Variants in GRAMD4 observed in about 807,000 individuals in gnomAD.
The protein encoded by GRAMD4 is GRAM domain-containing protein 4.
Under a neutral mutation model 83.9 loss-of-function variants are expected in GRAMD4, and 25 were observed. The observed-to-expected ratio is 0.30, with a 90% CI of 0.22 to 0.42. The LOEUF (loss-of-function observed/expected upper bound fraction) is 0.42, where lower values mean the gene tolerates loss of function less well. GRAMD4 is among the 10% of genes least tolerant of loss of function. The pLI is 1.00. For missense variants in GRAMD4, 593 were observed against 788.7 expected (o/e 0.75, Z 2.97); for synonymous variants, 336 against 320.9 (o/e 1.05, Z -0.50).
In GRAMD4 at chr22:46,672,953, G is replaced by C. The variant is rs944502927; in HGVS notation, c.1195G>C (p.Asp399His). 1.2e-6 allele frequency: 2 copies of C among 1,609,982 alleles called. No individual in the cohort carries two copies. The highest frequency in any genetic ancestry group is 1.7e-5 in the Admixed American group (1 of 59,950). Reference sequence around the variant, plus strand: ...TATCATCTGGAGGAGTCTCCCCACCGACCCGCAGCTCAAGGAGCGCTCCAG... The same window carrying C: ...TATCATCTGGAGGAGTCTCCCCACCCACCCGCAGCTCAAGGAGCGCTCCAG... ...PYIIWRSLPT[D>H]PQLKERSSAA... Residue 399 changes from aspartate (D) to histidine (H), a missense_variant, in exon 14 of 19, where the codon GAC becomes CAC. By Grantham distance (81) the Asp-to-His change is moderately conservative (BLOSUM62 -1). Transcript: ENST00000406902. This position sits in a 1 kb window ranked among gnomAD's most constrained non-coding sequence, Gnocchi z 4.7.
chr22:46,675,929 G>A (rs918138831), intron 17 of GRAMD4, among the ~76,000 whole-genome samples: 6 of 152,158 alleles, frequency 3.9e-5, no homozygotes, highest in Admixed American at 2.0e-4. Context: ...AGATGGTCGC[G>A]CCCGCTCTGG....
At chr22:46,581,060 T>C (rs1226857582) in intron 1 of GRAMD4, among the ~76,000 whole-genome samples, 1 of 152,074 alleles carries the variant, frequency 6.6e-6, no homozygotes, top group African/African-American at 2.4e-5. Flanking sequence ...TATCTCGGCA[T>C]GTGGCAGAGG....
In GRAMD4 at chr22:46,673,012, C is replaced by G. The variant is rs971873671; in HGVS notation, c.1239+15C>G. 6.4e-7 allele frequency: 1 copy of G among 1,563,324 alleles called. No individual in the cohort carries two copies. The highest frequency in any genetic ancestry group is 2.3e-5 in the East Asian group (1 of 42,992). Reference sequence around the variant, plus strand: ...TCTCACGCAGGGTGAGCCCGGCCCCCAGCTGCGGGGATGGGGGGATGGGGG... The same window carrying G: ...TCTCACGCAGGGTGAGCCCGGCCCCGAGCTGCGGGGATGGGGGGATGGGGG... On this transcript the variant is annotated intron_variant, in intron 14 of 18. Coordinates refer to ENST00000406902, the MANE Select transcript of GRAMD4 (RefSeq NM_015124.5).
chr22:46,619,762 A>G (rs537988879), upstream of GRAMD4, among the ~76,000 whole-genome samples: 6 of 152,080 alleles, frequency 3.9e-5, no homozygotes, highest in Admixed American at 3.9e-4. Context: ...CCTTTCTGAC[A>G]GTGAGGTTTA....
rs886366942 is a variant in GRAMD4 at position 46,659,849 on chromosome 22, A to G, written c.405-1532A>G. Among the ~76,000 whole-genome samples, 1 of 152,202 alleles carries G rather than the reference A, an allele frequency of 6.6e-6. No individual in the cohort carries two copies. Among genetic ancestry groups the G allele is most frequent in the African/African-American group, 2.4e-5 (1 of 41,454 alleles). On this transcript the variant is annotated intron_variant, in intron 4 of 18. Coordinates refer to ENST00000406902, the MANE Select transcript of GRAMD4 (RefSeq NM_015124.5). This position sits in a 1 kb window ranked among gnomAD's most constrained non-coding sequence, Gnocchi z 4.1. ...TCGGCAGGCGCTTTACCTGATGCTG[A>G]ACCTTCTGGGAAAATCCACAGAAGC...
In GRAMD4 at chr22:46,659,831, G is replaced by A. The variant is rs921404955; in HGVS notation, c.404+1524G>A. ...GAAATGGGTGCATGGGCCTCGGCAG[G>A]CGCTTTACCTGATGCTGAACCTTCT... On this transcript the variant is annotated intron_variant, in intron 4 of 18. Transcript: ENST00000406902. The surrounding 1 kb of genome is among the most constrained non-coding windows in gnomAD (Gnocchi z 4.1). Among the ~76,000 whole-genome samples the A allele has an allele frequency of 4.6e-5, 7 of 152,206 alleles. No homozygotes were observed. The highest frequency in any genetic ancestry group is 8.8e-5 in the Non-Finnish European group (6 of 68,036).
At chr22:46,594,249 C>T (rs573017487) in intron 1 of GRAMD4, among the ~76,000 whole-genome samples, 7 of 151,542 alleles carry the variant, frequency 4.6e-5, no homozygotes, top group African/African-American at 1.4e-4. Context: ...CTTTCTCTGC[C>T]TGGGTCCACA....
chr22:46,593,550 G>C (rs1382317548), intron 1 of GRAMD4, among the ~76,000 whole-genome samples: 3 of 152,168 alleles, frequency 2.0e-5, no homozygotes, highest in Non-Finnish European at 4.4e-5. Context: ...GTGACTTCCC[G>C]TAGCAGGCTG....
intron 17 of GRAMD4, among the ~76,000 whole-genome samples, 189 bp downstream of exon 17, chr22:46,675,741 G>C (rs55836819): frequency 0.11 from 16,267 of 152,228 alleles, 984 homozygotes; most frequent in Middle Eastern, 0.17. Flanking sequence ...CCTGCCCTGG[G>C]GTCCACTTGC....
intron 3 of GRAMD4, among the ~76,000 whole-genome samples, chr22:46,655,249 T>C (rs1310810520): frequency 1.5e-5 from 1 of 66,260 alleles, no homozygotes; most frequent in African/African-American, 5.8e-5. Flanking sequence ...AGGGGTGGTG[T>C]GGAGGGTGCT....
chr22:46,655,926 C>T (rs566714673), intron 3 of GRAMD4, among the ~76,000 whole-genome samples: 55 of 151,910 alleles, frequency 3.6e-4, no homozygotes, highest in African/African-American at 1.2e-3. Context: ...CCTCCGTCCG[C>T]GGAGAAAAGT....
At chr22:46,630,165 C>T (rs763123739) in intron 2 of GRAMD4, among the ~76,000 whole-genome samples, 1 of 152,078 alleles carries the variant, frequency 6.6e-6, no homozygotes, top group Non-Finnish European at 1.5e-5. Flanking sequence ...GCTGGGATTA[C>T]AGGCACACAC....
At chr22:46,585,400 G>A (rs947647452) in intron 1 of GRAMD4, among the ~76,000 whole-genome samples, 3 of 152,128 alleles carry the variant, frequency 2.0e-5, no homozygotes, top group Non-Finnish European at 4.4e-5. Flanking sequence ...ATGTTGGTCA[G>A]GCTGGTCTCA....
rs1042916070 is a variant in GRAMD4 at position 46,621,488 on chromosome 22, C to T, written c.-50+923C>T. Among the ~76,000 whole-genome samples, 1 of 151,644 alleles carries T rather than the reference C, an allele frequency of 6.6e-6. No individual in the cohort carries two copies. Among genetic ancestry groups the T allele is most frequent in the Non-Finnish European group, 1.5e-5 (1 of 67,840 alleles). On this transcript the variant is annotated intron_variant, in intron 1 of 18. Coordinates refer to ENST00000406902, the MANE Select transcript of GRAMD4 (RefSeq NM_015124.5). This position sits in a 1 kb window ranked among gnomAD's most constrained non-coding sequence, Gnocchi z 5.8. ...GCAGGCGCAGGCTGGAGGCGTAGCCCGGGCCCATCCCTGGCGGTGTGTCGC... is the reference window on the plus strand; with the variant it reads ...GCAGGCGCAGGCTGGAGGCGTAGCCTGGGCCCATCCCTGGCGGTGTGTCGC...
intron 1 of GRAMD4, among the ~76,000 whole-genome samples, chr22:46,623,964 C>T (rs2081616149): frequency 6.6e-6 from 1 of 151,628 alleles, no homozygotes; most frequent in African/African-American, 2.4e-5. Flanking sequence ...GTATTTTAAG[C>T]AGAGATGGAG....
At chr22:46,591,859 A>G (rs1230763367) in intron 1 of GRAMD4, among the ~76,000 whole-genome samples, 1 of 145,932 alleles carries the variant, frequency 6.9e-6, no homozygotes, top group East Asian at 2.0e-4. Flanking sequence ...AAAACCCAGA[A>G]AGGCCAACCC....
At chr22:46,583,070 A>G (rs912277046) in intron 1 of GRAMD4, among the ~76,000 whole-genome samples, 1 of 152,146 alleles carries the variant, frequency 6.6e-6, no homozygotes, top group South Asian at 2.1e-4. Context: ...GGTGACAGAC[A>G]TGCACCACCA....
At chr22:46,673,631 G>A in intron 14 of GRAMD4, 39 bp from the exon 15 acceptor site, 1 of 1,596,366 alleles carries the variant, frequency 6.3e-7, no homozygotes, top group Non-Finnish European at 8.6e-7. Flanking sequence ...TGCAGGCGTG[G>A]GCAGCGGGCC....
Position 46,673,648 on chromosome 22 carries a change from C to T in GRAMD4, c.1240-22C>T, listed in dbSNP as rs377709839. ...CAGGCGTGGGCAGCGGGCCTGACCT[C>T]GACGCTGTTTGCCGTTGGCAGCTGC... On this transcript the variant is annotated intron_variant, in intron 14 of 18. Transcript: ENST00000406902. The T allele has an allele frequency of 4.0e-5, 65 of 1,606,858 alleles. No individual in the cohort carries two copies. In the East Asian group the frequency reaches 5.8e-4, roughly 14 times the overall value.
Sources: allele counts gnomAD v4.1 joint callset (sites outside exome capture counted in the v4.1 genomes callset), GRCh38; gene constraint gnomAD v4.1.1; non-coding constraint Gnocchi (gnomAD v3.1); transcripts MANE v1.5; gene names NCBI Gene and HGNC (gene_info 2026-07-23, HGNC 2026-07-21).